The following FRMD4B variants were observed in gnomAD, a reference collection of about 807,000 sequenced individuals.
FRMD4B encodes the protein FERM domain containing 4B, also known as FERM domain-containing protein 4B.
In FRMD4B, 74 loss-of-function variants were observed where a neutral mutation model predicts 141.5. That is an observed-to-expected ratio of 0.52 (90% CI 0.43 to 0.63). FRMD4B has a LOEUF of 0.63. Ranked by LOEUF, FRMD4B falls within the 30% of genes least tolerant of loss-of-function variation. The pLI, the probability that FRMD4B is intolerant of heterozygous loss-of-function variation, is 0.00. For synonymous variants in FRMD4B, 506 were observed against 467.9 expected, an observed-to-expected ratio of 1.08 and a Z score of -1.05; for missense variants, 1,366 against 1,253.4, an observed-to-expected ratio of 1.09 and a Z score of -1.36.
chr3:69,455,563 G>A (rs959028021), intron 1 of FRMD4B, among the ~76,000 whole-genome samples: 4 of 152,118 alleles, frequency 2.6e-5, no homozygotes, highest in South Asian at 2.1e-4. Context: ...CTACGAACAC[G>A]TCCGACGGAA....
intron 2 of FRMD4B, 135 bp from the exon 3 acceptor site, chr3:69,311,492 A>G (rs1701585872): frequency 6.8e-6 from 4 of 591,806 alleles, no homozygotes; most frequent in African/African-American, 3.7e-5. Context: ...TTGTTTGTGG[A>G]TTAGGTTGAT....
At chr3:69,340,717 C>T (rs1306461609) in intron 1 of FRMD4B, among the ~76,000 whole-genome samples, 2 of 152,142 alleles carry the variant, frequency 1.3e-5, no homozygotes, top group Non-Finnish European at 2.9e-5. Flanking sequence ...TAGAGTGTTT[C>T]GAATAGCTTT....
In FRMD4B at chr3:69,540,692, C is replaced by CACACATAT. The variant is rs59055951; in HGVS notation, c.-129+1513_-129+1514insATATGTGT. ...ACACACACACACACACACACACACA[C>CACACATAT]GGCAGTTATTGTTATTGTTATTATT... On this transcript the variant is annotated intron_variant, in intron 1 of 5. Transcript: ENST00000459638. Among the ~76,000 whole-genome samples the CACACATAT allele has an allele frequency of 9.2e-4, 118 of 128,898 alleles. 1 individual carries two copies. The highest frequency in any genetic ancestry group is 5.3e-3 in the East Asian group (24 of 4,560). The allele number at this position is 128,898 out of a possible 152,430, so 84.6% of individuals were successfully genotyped here. A position where few individuals can be genotyped will look rare whatever the true frequency, so the allele number is the denominator to read the frequency against.
chr3:69,365,744 C>T (rs113589175), intron 1 of FRMD4B, among the ~76,000 whole-genome samples: 33,303 of 151,844 alleles, frequency 0.22, 4,614 homozygotes, highest in African/African-American at 0.4. Context: ...GTGATACACC[C>T]GCCTCGGCCT....
intron 1 of FRMD4B, among the ~76,000 whole-genome samples, chr3:69,519,695 G>A (rs1700820570): frequency 6.6e-6 from 1 of 152,038 alleles, no homozygotes; most frequent in South Asian, 2.1e-4. Context: ...TTGGTTACAT[G>A]AGTAAGTTCT....
intron 5 of FRMD4B, among the ~76,000 whole-genome samples, chr3:69,263,258 A>AAAAT (rs969123925): frequency 1.3e-4 from 20 of 152,094 alleles, no homozygotes; most frequent in South Asian, 6.2e-4. Flanking sequence ...CTCCGTCTCA[A>AAAAT]AAATAAATAA....
At chr3:69,196,832 A>G (rs774035686) in intron 13 of FRMD4B, 68 bp downstream of exon 13, 4 of 1,183,492 alleles carry the variant, frequency 3.4e-6, no homozygotes, top group Non-Finnish European at 4.8e-6. Context: ...CTTTTGTGAG[A>G]AGGCTTATCT....
chr3:69,237,756 A>G (rs1396692866), intron 7 of FRMD4B, among the ~76,000 whole-genome samples: 2 of 152,202 alleles, frequency 1.3e-5, no homozygotes, highest in Admixed American at 1.3e-4. Flanking sequence ...ACTGAGACAG[A>G]GTCTCGCTCT....
At chr3:69,285,519 A>C (rs1259928857) in intron 5 of FRMD4B, among the ~76,000 whole-genome samples, 1 of 152,120 alleles carries the variant, frequency 6.6e-6, no homozygotes, top group East Asian at 1.9e-4. Context: ...ACACATGAAG[A>C]AAGCTATACC....
In FRMD4B at chr3:69,183,988, T is replaced by C. The variant is rs189283993; in HGVS notation, c.1920-1271A>G. 8.4e-3 allele frequency among the ~76,000 whole-genome samples: 1,276 copies of C among 152,022 alleles called. 11 individuals carry two copies. The highest frequency in any genetic ancestry group is 0.015 in the Non-Finnish European group (995 of 67,954). ...TCAGCTCACTGCAACCTCCAGCTCCTGGGTTCGAGTGATCCTCCCACCTCA... is the reference window on the plus strand; with the variant it reads ...TCAGCTCACTGCAACCTCCAGCTCCCGGGTTCGAGTGATCCTCCCACCTCA... On this transcript the variant is annotated intron_variant, in intron 19 of 22. Transcript: ENST00000398540.
At chr3:69,429,519 A>G (rs1330770972) in intron 2 of FRMD4B, among the ~76,000 whole-genome samples, 4 of 152,196 alleles carry the variant, frequency 2.6e-5, no homozygotes, top group African/African-American at 9.7e-5. Context: ...ATTCAAGGTG[A>G]TAGACATCCC....
intron 7 of FRMD4B, among the ~76,000 whole-genome samples, chr3:69,245,349 G>GTTTTT (rs1218555167): frequency 6.6e-6 from 1 of 151,004 alleles, no homozygotes; most frequent in African/African-American, 2.5e-5. Flanking sequence ...GTGTGTGTGT[G>GTTTTT]TGTGTTTTTA....
At chr3:69,430,889 T>C (rs1175769346) in intron 2 of FRMD4B, among the ~76,000 whole-genome samples, 2 of 152,224 alleles carry the variant, frequency 1.3e-5, no homozygotes, top group African/African-American at 4.8e-5. Flanking sequence ...TAGGCTCTCA[T>C]ATCCATTGTT....
rs1440070396 is a variant in FRMD4B, at chr3:69,221,870, T to G, written c.719A>C (p.Gln240Pro). ...GAAAGATACTTACTGAACCACAGCT[T>G]GACCTCGAGTGAGACCTTTGATTTT... is the stretch of plus-strand genomic sequence containing the variant. ...YLKIKGLTRG[Q>P]AVVQYMKIVE... is the part of the protein sequence containing the mutation. Residue 240 changes from glutamine (Q) to proline (P), a missense_variant, in exon 9 of 23, where the codon CAA (glutamine) becomes CCA (proline). Transcript: ENST00000398540. The G allele has an allele frequency of 3.2e-6, 5 of 1,546,776 alleles. No homozygotes were observed. The highest frequency in any genetic ancestry group is 4.4e-6 in the Non-Finnish European group (5 of 1,124,230).
At chr3:69,496,149 G>A (rs139757682) in intron 1 of FRMD4B, among the ~76,000 whole-genome samples, 9 of 152,228 alleles carry the variant, frequency 5.9e-5, no homozygotes, top group African/African-American at 1.7e-4. Context: ...TGTAAAATAG[G>A]AGTAGAAAAA....
At chr3:69,509,217 A>G (rs1170388839) in intron 1 of FRMD4B, among the ~76,000 whole-genome samples, 2 of 152,160 alleles carry the variant, frequency 1.3e-5, no homozygotes, top group Non-Finnish European at 2.9e-5. Flanking sequence ...GGAAGGAGAG[A>G]TTCTGACCAT....
intron 1 of FRMD4B, among the ~76,000 whole-genome samples, chr3:69,504,961 C>G (rs1160927018): frequency 6.6e-6 from 1 of 152,212 alleles, no homozygotes; most frequent in Non-Finnish European, 1.5e-5. Flanking sequence ...TTTCTAATCT[C>G]TTCCTTGTGA....
chr3:69,406,874 G>T (rs1422586099), intron 2 of FRMD4B, among the ~76,000 whole-genome samples: 2 of 151,560 alleles, frequency 1.3e-5, no homozygotes, highest in Non-Finnish European at 2.9e-5. Context: ...TGGGACTACA[G>T]GTGTGTACCA....
At chr3:69,191,773 A>G (rs1402064020) in intron 17 of FRMD4B, among the ~76,000 whole-genome samples, 2 of 152,230 alleles carry the variant, frequency 1.3e-5, no homozygotes, top group Non-Finnish European at 2.9e-5. Flanking sequence ...ACAAATGGCC[A>G]TGAAGTTAAG....
Sources: allele counts gnomAD v4.1 joint callset (sites outside exome capture counted in the v4.1 genomes callset), GRCh38; gene constraint gnomAD v4.1.1; transcripts MANE v1.5; gene names NCBI Gene and HGNC (gene_info 2026-07-23, HGNC 2026-07-21).